FAM193A: variants seen among roughly 807,000 people sequenced by gnomAD.
The protein encoded by FAM193A is protein FAM193A.
FAM193A carries 22 observed loss-of-function variants against 126.5 expected under a neutral mutation model. The observed-to-expected ratio is 0.17, with a 90% confidence interval of 0.12 to 0.25. The LOEUF (loss-of-function observed/expected upper bound fraction) is 0.25, where lower values mean the gene tolerates loss of function less well. Ranked by LOEUF, FAM193A falls within the 10% of genes least tolerant of loss-of-function variation. The probability of loss-of-function intolerance (pLI) is 1.00; values close to 1 mark genes in which losing one functional copy is unlikely to be tolerated. For synonymous variants in FAM193A, 761 were observed against 646.8 expected, an observed-to-expected ratio of 1.18 and a Z score of -2.68; for missense variants, 1,675 against 1,672.8, an observed-to-expected ratio of 1.00 and a Z score of -0.02.
At chr4:2,591,818 A>T (rs1740586367) in intron 1 of FAM193A, among the ~76,000 whole-genome samples, 1 of 152,216 alleles carries the variant, frequency 6.6e-6, no homozygotes, top group African/African-American at 2.4e-5. Flanking sequence ...CCATGCACAC[A>T]GGCCACAGTC....
intron 16 of FAM193A, among the ~76,000 whole-genome samples, chr4:2,694,719 T>TTTGAGCCA (rs1716836748): frequency 6.6e-6 from 1 of 152,196 alleles, no homozygotes; most frequent in Admixed American, 6.5e-5. Flanking sequence ...TCAGTGGCGC[T>TTTGAGCCA]CTGTGAGCAC....
chr4:2,622,805 C>T (rs553011494), intron 2 of FAM193A, among the ~76,000 whole-genome samples: 56 of 152,056 alleles, frequency 3.7e-4, no homozygotes, highest in African/African-American at 1.3e-3. Flanking sequence ...ACGAAGACTC[C>T]GACCTCATGA....
chr4:2,591,683 G>T (rs1033519136), intron 1 of FAM193A, among the ~76,000 whole-genome samples: 2 of 151,914 alleles, frequency 1.3e-5, no homozygotes, highest in African/African-American at 4.8e-5. Context: ...AGTAAATCTG[G>T]GTTTTCATGT....
intron 12 of FAM193A, among the ~76,000 whole-genome samples, chr4:2,670,926 A>T (rs530628808): frequency 7.9e-5 from 12 of 152,018 alleles, no homozygotes; most frequent in African/African-American, 2.9e-4. Context: ...CAGTTGCAGG[A>T]CCTGTATCTC....
At chr4:2,639,638 G>C in intron 5 of FAM193A, 97 bp from the exon 6 acceptor site, 1 of 906,960 alleles carries the variant, frequency 1.1e-6, no homozygotes, top group Non-Finnish European at 1.6e-6. Flanking sequence ...TGCGTGGTGG[G>C]GGGAAATGGG....
intron 19 of FAM193A, among the ~76,000 whole-genome samples, chr4:2,707,830 A>T (rs111930685): frequency 6.6e-6 from 1 of 151,476 alleles, no homozygotes; most frequent in Non-Finnish European, 1.5e-5. Flanking sequence ...CCCAGGTTCA[A>T]TTCCACCTCC....
chr4:2,685,231 C>T (rs1248472230), intron 13 of FAM193A, among the ~76,000 whole-genome samples: 1 of 152,146 alleles, frequency 6.6e-6, no homozygotes, highest in Non-Finnish European at 1.5e-5. Flanking sequence ...AAGGGGAGGA[C>T]CGGGTGCCAA....
At chr4:2,687,548 G>A (rs139837854) in intron 13 of FAM193A, among the ~76,000 whole-genome samples, 3 of 152,262 alleles carry the variant, frequency 2.0e-5, no homozygotes, top group East Asian at 3.9e-4. Flanking sequence ...TCACCTGACC[G>A]TGCCTCCTCA....
chr4:2,550,312 C>G (rs1344555778), intron 1 of FAM193A, among the ~76,000 whole-genome samples: 2 of 152,084 alleles, frequency 1.3e-5, no homozygotes, highest in African/African-American at 4.8e-5. Context: ...TCTCAAAGTG[C>G]TGGTATTACA....
intron 2 of FAM193A, among the ~76,000 whole-genome samples, chr4:2,597,186 G>GC (rs1740911616): frequency 6.6e-6 from 1 of 151,950 alleles, no homozygotes; most frequent in South Asian, 2.1e-4. Context: ...TTCTCACTCG[G>GC]CCCCTCCCGC....
Position 2,717,240 on chromosome 4 carries a change from A to G in FAM193A, c.4454+1136A>G, listed in dbSNP as rs151317652. ...AGTGATGCACTCACCTCAGCCTCCC[A>G]AAGTGCTGAGATTACAGGTGTGATT... On this transcript the variant is annotated intron_variant, in intron 20 of 20. Coordinates refer to ENST00000637812, the MANE Select transcript of FAM193A (RefSeq NM_001366318.2). Among the ~76,000 whole-genome samples, 526 of 152,272 alleles carry G rather than the reference A, an allele frequency of 3.5e-3. 3 individuals are homozygous for G. Among genetic ancestry groups the G allele is most frequent in the African/African-American group, 0.012 (510 of 41,552 alleles).
At chr4:2,661,084 T>C (rs1712382574) in intron 10 of FAM193A, among the ~76,000 whole-genome samples, 1 of 152,224 alleles carries the variant, frequency 6.6e-6, no homozygotes, top group African/African-American at 2.4e-5. Flanking sequence ...TTGTCACAGC[T>C]GCTGATGTCA....
chr4:2,574,127 G>A (rs1739447619), intron 1 of FAM193A, among the ~76,000 whole-genome samples: 2 of 152,140 alleles, frequency 1.3e-5, no homozygotes, highest in Admixed American at 6.5e-5. Context: ...CAGATGTCTC[G>A]TGGGTGTGGG....
At chr4:2,684,167 T>G (rs753493338) in intron 13 of FAM193A, among the ~76,000 whole-genome samples, 30 of 152,208 alleles carry the variant, frequency 2.0e-4, no homozygotes, top group Non-Finnish European at 4.0e-4. Flanking sequence ...GTTGTCTCTC[T>G]CAGCCTCTGG....
At chr4:2,613,109 A>G (rs895393984) in intron 2 of FAM193A, among the ~76,000 whole-genome samples, 15 of 152,244 alleles carry the variant, frequency 9.9e-5, no homozygotes, top group African/African-American at 3.6e-4. Context: ...ATTGTTTTGT[A>G]GTCAGTATAT....
At chr4:2,636,610 T>C (rs2109016616) in intron 5 of FAM193A, among the ~76,000 whole-genome samples, 1 of 152,370 alleles carries the variant, frequency 6.6e-6, no homozygotes, top group South Asian at 2.1e-4. Context: ...GAGTATCTTC[T>C]GGATGTTGAC....
intron 1 of FAM193A, among the ~76,000 whole-genome samples, chr4:2,568,973 C>CTTTTTTTTT (rs753557878): frequency 2.5e-4 from 23 of 90,722 alleles, no homozygotes; most frequent in African/African-American, 7.4e-4. Flanking sequence ...TGTTGTTTTG[C>CTTTTTTTTT]TTTTTTTTTT....
intron 2 of FAM193A, among the ~76,000 whole-genome samples, chr4:2,604,791 CTTT>C (rs869148370): frequency 0.017 from 1,643 of 99,520 alleles, 21 homozygotes; most frequent in African/African-American, 0.067. Flanking sequence ...TTTCTTTTTC[CTTT>C]TTTTTTTTTT....
At chr4:2,590,463 C>CAAAAAAAAAAAAAAAAAAAAAAAAAAAAA in intron 1 of FAM193A, among the ~76,000 whole-genome samples, 1 of 13,564 alleles carries the variant, frequency 7.4e-5, no homozygotes, top group Non-Finnish European at 1.4e-4. Flanking sequence ...GACTCCATCT[C>CAAAAAAAAAAAAAAAAAAAAAAAAAAAAA]AAAAAAAAAA....
Sources: gnomAD v4.1 joint callset for allele counts (sites outside exome capture counted in the v4.1 genomes callset) on GRCh38, gnomAD v4.1.1 for gene constraint, MANE v1.5 for transcripts, NCBI Gene and HGNC (gene_info 2026-07-23, HGNC 2026-07-21) for gene names.